CHST13: variants seen among roughly 807,000 people sequenced by gnomAD.
CHST13 encodes the protein carbohydrate sulfotransferase 13.
Under a neutral mutation model 7.0 loss-of-function variants are expected in CHST13, and 1 was observed. The ratio of observed to expected loss-of-function variants is 0.14; its 90% confidence interval spans 0.05 to 0.68. The LOEUF (loss-of-function observed/expected upper bound fraction) is 0.68, where lower values mean the gene tolerates loss of function less well. Among genes scored for constraint, CHST13 ranks in the 30% least tolerant of loss-of-function variants. The pLI, the probability that CHST13 is intolerant of heterozygous loss-of-function variation, is 0.82. For missense variants in CHST13, 572 were observed against 507.9 expected (o/e 1.13, Z -1.21); for synonymous variants, 257 against 240.9 (o/e 1.07, Z -0.62).
At chr3:126,536,224 C>T (rs1432328194) in intron 1 of CHST13, 47 bp from the exon 2 acceptor site, 1 of 1,554,640 alleles carries the variant, frequency 6.4e-7, no homozygotes, top group Admixed American at 1.7e-5. Context: ...CAGGTCCATG[C>T]AAGTCCCTCT....
At position 126,537,718 on chromosome 3, in the gene CHST13, TC is replaced by T. The variant is rs111441688; in HGVS notation, c.180+1368del. Among the ~76,000 whole-genome samples, 147 of 152,198 alleles carry T rather than the reference TC, an allele frequency of 9.7e-4. 1 individual carries two copies. Among genetic ancestry groups the T allele is most frequent in the African/African-American group, 3.4e-3 (143 of 41,488 alleles). ...GACCCTGTGACCGTTGGGTGTCAACTCCCTGGAGGCTTAGCACCTTGCGGCT... is the reference window on the plus strand; with the variant it reads ...GACCCTGTGACCGTTGGGTGTCAACTCCTGGAGGCTTAGCACCTTGCGGCT... On this transcript the variant is annotated intron_variant, in intron 2 of 2. Transcript: ENST00000319340.
At chr3:126,540,469 T>A (rs1936935234) in intron 2 of CHST13, among the ~76,000 whole-genome samples, 2 of 152,216 alleles carry the variant, frequency 1.3e-5, no homozygotes, top group African/African-American at 4.8e-5. Flanking sequence ...GGGACCTCAC[T>A]AAGTGGGACT....
At chr3:126,537,444 G>T (rs1399885760) in intron 2 of CHST13, among the ~76,000 whole-genome samples, 1 of 152,244 alleles carries the variant, frequency 6.6e-6, no homozygotes, top group Admixed American at 6.5e-5. Flanking sequence ...CCCTACTGCT[G>T]TGTAGAGAAG....
At chr3:126,532,447 G>A (rs997873420) in intron 1 of CHST13, among the ~76,000 whole-genome samples, 2 of 152,294 alleles carry the variant, frequency 1.3e-5, no homozygotes, top group East Asian at 3.9e-4. Context: ...GTTTTTGTAT[G>A]TGGTATGAAG....
In CHST13 at chr3:126,541,895, G is replaced by C. The variant is rs779741509; in HGVS notation, c.343G>C (p.Val115Leu). Residue 115 changes from valine to leucine, a missense_variant, in exon 3 of 3, where the codon GTG becomes CTG. By Grantham distance (32) the Val-to-Leu change is conservative. Transcript: ENST00000319340. ...CCTGCTCTACTGCTACGTGCCCAAG[G>C]TGGCCTGCACCAACTGGAAGCGCGT... ...HGLLYCYVPK[V>L]ACTNWKRVLL... 1.2e-6 allele frequency: 2 copies of C among 1,600,916 alleles called. No homozygotes were observed. Among genetic ancestry groups the C allele is most frequent in the Non-Finnish European group, 1.7e-6 (2 of 1,174,314 alleles).
chr3:126,537,626 C>T (rs1308536954), intron 2 of CHST13, among the ~76,000 whole-genome samples: 1 of 152,184 alleles, frequency 6.6e-6, no homozygotes, highest in Non-Finnish European at 1.5e-5. Flanking sequence ...GACAGGCACT[C>T]AGTAGGGCCC....
At chr3:126,541,660 C>T (rs1936958389) in intron 2 of CHST13, 73 bp from the exon 3 acceptor site, 1 of 1,323,744 alleles carries the variant, frequency 7.6e-7, no homozygotes, top group Non-Finnish European at 9.8e-7. Flanking sequence ...CGCATCCCGC[C>T]GGGGCAGCGC....
chr3:126,533,363 G>A (rs1180382066), intron 1 of CHST13, among the ~76,000 whole-genome samples: 1 of 152,106 alleles, frequency 6.6e-6, no homozygotes. Flanking sequence ...AGGGTTTTTC[G>A]TTGATGCCCT....
At chr3:126,540,964 G>A (rs1035647387) in intron 2 of CHST13, among the ~76,000 whole-genome samples, 3 of 152,172 alleles carry the variant, frequency 2.0e-5, no homozygotes, top group African/African-American at 7.2e-5. Flanking sequence ...AAAATCATAG[G>A]CAGGGGTGTT....
intron 1 of CHST13, among the ~76,000 whole-genome samples, chr3:126,529,975 G>C (rs563318380): frequency 6.6e-6 from 1 of 152,332 alleles, no homozygotes; most frequent in Non-Finnish European, 1.5e-5. Context: ...GTGGAGGGAC[G>C]GGGGTACAGA....
chr3:126,524,402 T>TGCGCC lies in CHST13; in HGVS notation c.76_80dup (p.Ser29ProfsTer51). ...TCTGGGCGCCGCGCTCCTGCTCCTA[T>TGCGCC]GCGCCGCGCCCCGCTCCCTGCGCCC... On this transcript the variant is annotated frameshift_variant, in exon 1 of 3. Transcript: ENST00000319340. LOFTEE classifies it high-confidence loss of function. 3 of 1,211,296 alleles carry TGCGCC rather than the reference T, an allele frequency of 2.5e-6. No homozygotes were observed. Among genetic ancestry groups the TGCGCC allele is most frequent in the Non-Finnish European group, 3.1e-6 (3 of 969,454 alleles). The allele number at this position is 1,211,296 out of a possible 1,614,324, so 75.0% of individuals were successfully genotyped here.
intron 1 of CHST13, among the ~76,000 whole-genome samples, chr3:126,535,266 G>T (rs1936755499): frequency 6.7e-6 from 1 of 149,416 alleles, no homozygotes; most frequent in South Asian, 2.1e-4. Context: ...CAGACAGACA[G>T]CATCACTGTC....
At chr3:126,537,771 T>G (rs1391798457) in intron 2 of CHST13, among the ~76,000 whole-genome samples, 1 of 152,232 alleles carries the variant, frequency 6.6e-6, no homozygotes, top group Non-Finnish European at 1.5e-5. Flanking sequence ...AAAAACCATC[T>G]GGCCAACAAG....
Position 126,542,341 on chromosome 3 carries a change from C to T in CHST13, c.789C>T (p.Val263=), listed in dbSNP as rs374084728. Residue 263 remains valine (V), a synonymous_variant, in exon 3 of 3, where the codon GTC becomes GTT. Coordinates refer to ENST00000319340, the MANE Select transcript of CHST13 (RefSeq NM_152889.3). The part of the protein sequence containing the change: ...LCHPCRLRYD[V]VGKFETLAED... ...ACCCGTGTCGCCTCCGCTACGACGT[C>T]GTGGGCAAGTTCGAGACGCTGGCGG... is the stretch of plus-strand genomic sequence containing the variant. The T allele has an allele frequency of 6.4e-7, 1 of 1,566,376 alleles. No homozygotes were observed. Among genetic ancestry groups the T allele is most frequent in the Non-Finnish European group, 8.6e-7 (1 of 1,158,224 alleles).
intron 2 of CHST13, among the ~76,000 whole-genome samples, chr3:126,539,991 A>G (rs1936920568): frequency 8.1e-6 from 1 of 123,098 alleles, no homozygotes; most frequent in African/African-American, 2.9e-5. Flanking sequence ...CACGCATGAC[A>G]CACACACACA....
intron 1 of CHST13, among the ~76,000 whole-genome samples, chr3:126,526,801 C>T (rs1437641962): frequency 6.6e-6 from 1 of 152,238 alleles, no homozygotes; most frequent in Admixed American, 6.5e-5. Flanking sequence ...CCACCCTCAT[C>T]CCCAGTGCCC....
At chr3:126,534,394 C>G (rs1576750637) in intron 1 of CHST13, among the ~76,000 whole-genome samples, 1 of 120,266 alleles carries the variant, frequency 8.3e-6, no homozygotes, top group African/African-American at 4.4e-5. Flanking sequence ...AGCAAGGAGA[C>G]AGACAGACAG....
intron 2 of CHST13, among the ~76,000 whole-genome samples, chr3:126,536,863 G>GCT (rs75727605): frequency 1.5e-4 from 21 of 141,504 alleles, no homozygotes; most frequent in Non-Finnish European, 2.6e-4. Flanking sequence ...CCACACTCTG[G>GCT]CTCTCTCTCT....
chr3:126,539,850 CA>C (rs1560142655), intron 2 of CHST13, among the ~76,000 whole-genome samples: 7 of 1,520 alleles, frequency 4.6e-3, no homozygotes, highest in Admixed American at 9.8e-3. Context: ...ACACACATCA[CA>C]CACACACACC....
Sources: gnomAD v4.1 joint callset for allele counts (sites outside exome capture counted in the v4.1 genomes callset) on GRCh38, gnomAD v4.1.1 for gene constraint, MANE v1.5 for transcripts, NCBI Gene and HGNC (gene_info 2026-07-23, HGNC 2026-07-21) for gene names.